SLC7A1: variants seen among roughly 807,000 people sequenced by gnomAD.
The protein encoded by SLC7A1 is high affinity cationic amino acid transporter 1.
A neutral mutation model predicts 53.9 loss-of-function variants in SLC7A1; 10 were observed. The observed-to-expected ratio is 0.19, with a 90% CI of 0.11 to 0.31. The LOEUF (loss-of-function observed/expected upper bound fraction) is 0.31. Ranked by LOEUF, SLC7A1 falls within the 10% of genes least tolerant of loss-of-function variation. The probability of loss-of-function intolerance (pLI) is 1.00; values close to 1 mark genes in which losing one functional copy is unlikely to be tolerated. For missense variants in SLC7A1, 525 were observed against 827.2 expected (o/e 0.63, Z 4.48); for synonymous variants, 342 against 338.7 (o/e 1.01, Z -0.11).
chr13:29,534,867 T>C (rs1869336460), intron 3 of SLC7A1, among the ~76,000 whole-genome samples: 1 of 152,232 alleles, frequency 6.6e-6, no homozygotes, highest in Admixed American at 6.5e-5. Context: ...AGACTTAGGT[T>C]TTTGTTTCTT....
rs917088717 is a variant in SLC7A1 at position 29,570,467 on chromosome 13, G to A, written c.-114-16607C>T. On this transcript the variant is annotated intron_variant, in intron 1 of 12. Coordinates refer to ENST00000380752, the MANE Select transcript of SLC7A1 (RefSeq NM_003045.5). The stretch of plus-strand genomic sequence containing the variant: ...GATAATGACAGTGTCACCCACACCC[G>A]CCCCCCTACCTCCATCTTGTTCCTC... 8.6e-5 allele frequency among the ~76,000 whole-genome samples: 13 copies of A among 152,042 alleles called. No homozygotes were observed. The East Asian group carries it at 9.6e-4, about 11-fold the overall frequency.
intron 3 of SLC7A1, among the ~76,000 whole-genome samples, chr13:29,533,194 C>T (rs1008598613): frequency 6.6e-6 from 1 of 152,196 alleles, no homozygotes; most frequent in Non-Finnish European, 1.5e-5. Flanking sequence ...CAGAGGAATG[C>T]ACTTCACATC....
chr13:29,561,176 C>A (rs573928495), intron 1 of SLC7A1, among the ~76,000 whole-genome samples: 2 of 152,112 alleles, frequency 1.3e-5, no homozygotes, highest in Non-Finnish European at 1.5e-5. Flanking sequence ...AAACTAAGAA[C>A]GGACCAAACA....
chr13:29,524,075 T>A, intron 6 of SLC7A1, 57 bp downstream of exon 6: 1 of 1,570,496 alleles, frequency 6.4e-7, no homozygotes. Flanking sequence ...TGGCAAGCAT[T>A]GGCTTGTTTG....
Position 29,584,743 on chromosome 13 carries a change from A to C in SLC7A1, c.-115+10673T>G, listed in dbSNP as rs899080511. Among the ~76,000 whole-genome samples, 9 of 152,244 alleles carry C rather than the reference A, an allele frequency of 5.9e-5. 1 individual carries two copies. The South Asian group carries it at 1.9e-3, about 31-fold the overall frequency. ...AAGAAAAAAAAAGAAAAAACATTCA[A>C]GCATTTCTTAAGCAAAAGTCCATCC... On this transcript the variant is annotated intron_variant, in intron 1 of 12. Transcript: ENST00000380752.
rs1196092189 is a variant in SLC7A1 at position 29,511,891 on chromosome 13, A to T, written c.*2589T>A. ...TGCCTCTAGTAATGTGTAAGTTCTG[A>T]CTATGTAGGAAAATCCTGGCCAGTG... On this transcript the variant is annotated 3_prime_UTR_variant, in exon 13 of 13. Transcript: ENST00000380752. 1 of 152,098 alleles carries T rather than the reference A, an allele frequency of 6.6e-6. No individual in the cohort carries two copies. The highest frequency in any genetic ancestry group is 1.5e-5 in the Non-Finnish European group (1 of 68,026). The allele number at this position is 152,098 out of a possible 1,614,324, so 9.4% of individuals were successfully genotyped here. A position where few individuals can be genotyped will look rare whatever the true frequency, so the allele number is the denominator to read the frequency against.
chr13:29,567,321 T>C (rs914924254), intron 1 of SLC7A1, among the ~76,000 whole-genome samples: 1 of 152,116 alleles, frequency 6.6e-6, no homozygotes, highest in African/African-American at 2.4e-5. Flanking sequence ...TGGATACCTA[T>C]GGTCCAGGAT....
intron 3 of SLC7A1, among the ~76,000 whole-genome samples, chr13:29,534,374 G>A (rs1175284542): frequency 6.6e-6 from 1 of 152,186 alleles, no homozygotes; most frequent in African/African-American, 2.4e-5. Context: ...TAAATCCTCT[G>A]GAAACATAAC....
chr13:29,535,812 G>A lies in SLC7A1; in HGVS notation c.370+7C>T, dbSNP rs148999648. 2.2e-5 allele frequency: 36 copies of A among 1,610,156 alleles called. No homozygotes were observed. The African/African-American group carries it at 4.3e-4, about 19-fold the overall frequency. On this transcript the variant is annotated splice_region_variant and intron_variant, in intron 3 of 12. Transcript: ENST00000380752. The stretch of plus-strand genomic sequence containing the variant: ...GAGGGCACGAGCTCCGGACCCCTGG[G>A]ACCTACCGATGATGTAGGAGAGGAT...
intron 1 of SLC7A1, among the ~76,000 whole-genome samples, chr13:29,582,234 T>C (rs1871678161): frequency 6.6e-6 from 1 of 152,240 alleles, no homozygotes; most frequent in South Asian, 2.1e-4. Flanking sequence ...CTCTCTTCCA[T>C]GGGTGTTCTG....
chr13:29,528,481 T>C (rs527880053), intron 5 of SLC7A1, among the ~76,000 whole-genome samples: 2 of 152,226 alleles, frequency 1.3e-5, no homozygotes, highest in East Asian at 3.9e-4. Context: ...CACAAACCCA[T>C]GTGGTCTCAC....
intron 1 of SLC7A1, among the ~76,000 whole-genome samples, chr13:29,557,805 T>A (rs2139143263): frequency 2.4e-5 from 1 of 40,918 alleles, no homozygotes. Flanking sequence ...AGGGGGAAAG[T>A]GAATGTGAGG....
rs1314129009 is a variant in SLC7A1, at chr13:29,510,963, T to G, written c.*3517A>C. On this transcript the variant is annotated 3_prime_UTR_variant, in exon 13 of 13. Coordinates refer to ENST00000380752, the MANE Select transcript of SLC7A1 (RefSeq NM_003045.5). ...GTGCCCCCCACCAGACTCATTGCCC[T>G]GTCTCCAGTCTCCACTGTGGGTTGG... 2 of 152,332 alleles carry G rather than the reference T, an allele frequency of 1.3e-5. No individual in the cohort carries two copies. The highest frequency in any genetic ancestry group is 2.9e-5 in the Non-Finnish European group (2 of 68,098). 9.4% of individuals were successfully genotyped at this position (152,332 alleles called of 1,614,324 possible).
At chr13:29,569,873 G>A (rs1425880435) in intron 1 of SLC7A1, among the ~76,000 whole-genome samples, 1 of 152,056 alleles carries the variant, frequency 6.6e-6, no homozygotes, top group Non-Finnish European at 1.5e-5. Flanking sequence ...GGCAGGAGTC[G>A]CCCCAAAGGC....
At chr13:29,574,600 G>A (rs1464724002) in intron 1 of SLC7A1, among the ~76,000 whole-genome samples, 1 of 151,536 alleles carries the variant, frequency 6.6e-6, no homozygotes, top group Non-Finnish European at 1.5e-5. Context: ...CAAGGTCTAG[G>A]GTAAACCTTA....
At chr13:29,544,080 G>A (rs59216439) in intron 2 of SLC7A1, among the ~76,000 whole-genome samples, 2,724 of 152,254 alleles carry the variant, frequency 0.018, 96 homozygotes, top group African/African-American at 0.062. Flanking sequence ...CTCACACCAC[G>A]AAGAGGCCCA....
At chr13:29,555,023 A>G (rs1234935585) in intron 1 of SLC7A1, among the ~76,000 whole-genome samples, 4 of 152,200 alleles carry the variant, frequency 2.6e-5, no homozygotes, top group Non-Finnish European at 2.9e-5. Flanking sequence ...TATAGCCACC[A>G]TGACAACTGA....
chr13:29,587,423 C>T (rs1235747900), intron 1 of SLC7A1, among the ~76,000 whole-genome samples: 1 of 152,196 alleles, frequency 6.6e-6, no homozygotes, highest in African/African-American at 2.4e-5. Context: ...CATTGGCAAA[C>T]AGCAAACTTC....
rs2139104779 is a variant in SLC7A1 at position 29,535,958 on chromosome 13, T to C, written c.231A>G (p.Ser77=). ...CGCCATAGCACAGGCCAGCCAGCAC[T>C]GAGGCCAGCGCAGCGATCAGGAAGG... ...VISFLIAALA[S]VLAGLCYGEF... The change falls in exon 3 of 13, where the codon TCA becomes TCG. Residue 77 remains serine, a synonymous_variant. Coordinates refer to ENST00000380752, the MANE Select transcript of SLC7A1 (RefSeq NM_003045.5). The C allele has an allele frequency of 6.2e-7, 1 of 1,614,146 alleles. No homozygotes were observed. The highest frequency in any genetic ancestry group is 8.5e-7 in the Non-Finnish European group (1 of 1,180,040).
Sources: allele counts gnomAD v4.1 joint callset (sites outside exome capture counted in the v4.1 genomes callset), GRCh38; gene constraint gnomAD v4.1.1; transcripts MANE v1.5; gene names NCBI Gene and HGNC (gene_info 2026-07-23, HGNC 2026-07-21).